MEMO1: variants seen among roughly 807,000 people sequenced by gnomAD.
The protein encoded by MEMO1 is mediator of cell motility 1, also known as protein MEMO1.
MEMO1 carries 6 observed loss-of-function variants against 45.2 expected under a neutral mutation model. The ratio of observed to expected loss-of-function variants is 0.13; its 90% CI spans 0.07 to 0.26. MEMO1 has a LOEUF of 0.26. MEMO1 is among the 10% of genes least tolerant of loss of function. The pLI, the probability that MEMO1 is intolerant of heterozygous loss-of-function variation, is 1.00. For missense variants in MEMO1, 184 were observed against 370.5 expected (o/e 0.50, Z 4.13); for synonymous variants, 78 against 124.3 (o/e 0.63, Z 2.48).
intron 4 of MEMO1, among the ~76,000 whole-genome samples, chr2:31,924,657 G>C (rs908522358): frequency 1.3e-5 from 2 of 152,110 alleles, no homozygotes; most frequent in Admixed American, 1.3e-4. Context: ...TGGAACATAA[G>C]TAATTTTGTA....
chr2:32,001,055 T>TTTTA (rs1491365911), intron 2 of MEMO1, among the ~76,000 whole-genome samples: 1 of 139,232 alleles, frequency 7.2e-6, no homozygotes, highest in African/African-American at 2.8e-5. Context: ...TTTTTTTTTT[T>TTTTA]GAGACAGGAG....
intron 2 of MEMO1, among the ~76,000 whole-genome samples, chr2:31,950,107 G>A (rs898258766): frequency 1.6e-4 from 25 of 152,060 alleles, no homozygotes; most frequent in African/African-American, 4.8e-4. Context: ...ATTGCCGGGC[G>A]CAGTGGCTCA....
chr2:31,924,620 G>A (rs1682818384), intron 4 of MEMO1, among the ~76,000 whole-genome samples: 1 of 152,106 alleles, frequency 6.6e-6, no homozygotes. Context: ...CCTCATGACT[G>A]TTTATTCAGC....
rs537051169 is a variant in MEMO1 at position 31,932,954 on chromosome 2, G to A, written c.144-819C>T. 3.5e-3 allele frequency among the ~76,000 whole-genome samples: 524 copies of A among 151,670 alleles called. 1 individual carries two copies. The highest frequency in any genetic ancestry group is 0.012 in the African/African-American group (506 of 41,312). ...CGAATTCAGTCAATTCTCTTATCACGCACAGAATGACTGTTTCCTGGTCTC... is the reference window on the plus strand; with the variant it reads ...CGAATTCAGTCAATTCTCTTATCACACACAGAATGACTGTTTCCTGGTCTC... On this transcript the variant is annotated intron_variant, in intron 3 of 9. Coordinates refer to ENST00000404530, the MANE Select transcript of MEMO1 (RefSeq NM_001301833.4).
At chr2:31,931,400 C>T (rs1664150288) in intron 4 of MEMO1, among the ~76,000 whole-genome samples, 1 of 152,126 alleles carries the variant, frequency 6.6e-6, no homozygotes, top group African/African-American at 2.4e-5. Flanking sequence ...ATAGCTTGTA[C>T]ATCTGGCAAA....
At chr2:31,991,063 C>T (rs777538665) in intron 2 of MEMO1, among the ~76,000 whole-genome samples, 1 of 151,980 alleles carries the variant, frequency 6.6e-6, no homozygotes, top group Non-Finnish European at 1.5e-5. Flanking sequence ...TTGTTAACTA[C>T]AAAAAGGCCA....
intron 8 of MEMO1, 23 bp downstream of exon 8, chr2:31,883,363 A>C (rs770572202): frequency 2.7e-6 from 4 of 1,508,766 alleles, no homozygotes; most frequent in Non-Finnish European, 3.6e-6. Flanking sequence ...AGAGCATTAA[A>C]ATCCCACACC....
At chr2:31,869,444 T>C (rs1311290383) in intron 9 of MEMO1, among the ~76,000 whole-genome samples, 2 of 152,128 alleles carry the variant, frequency 1.3e-5, no homozygotes, top group Non-Finnish European at 2.9e-5. Flanking sequence ...TCTTGCTTTA[T>C]TACATTATGA....
At chr2:31,939,109 C>CAAA (rs34125983) in intron 3 of MEMO1, among the ~76,000 whole-genome samples, 1 of 144,806 alleles carries the variant, frequency 6.9e-6, no homozygotes, top group Non-Finnish European at 1.5e-5. Context: ...TTTTCTACCT[C>CAAA]AAAAAAAAAA....
At chr2:31,901,969 C>T (rs1201284913) in intron 6 of MEMO1, among the ~76,000 whole-genome samples, 5 of 148,540 alleles carry the variant, frequency 3.4e-5, no homozygotes, top group Admixed American at 2.0e-4. Flanking sequence ...TGTAGATTTA[C>T]TAAAAAAAAA....
intron 4 of MEMO1, among the ~76,000 whole-genome samples, chr2:31,927,376 C>T (rs1000517708): frequency 6.6e-6 from 1 of 152,094 alleles, no homozygotes; most frequent in Non-Finnish European, 1.5e-5. Flanking sequence ...TTATAACTAA[C>T]CTTTAAGAAA....
chr2:31,896,830 A>G (rs1458684859), intron 6 of MEMO1, among the ~76,000 whole-genome samples: 3 of 151,916 alleles, frequency 2.0e-5, no homozygotes, highest in African/African-American at 7.3e-5. Flanking sequence ...CAAAATAAAA[A>G]TTGGGCAAAA....
chr2:31,971,284 G>A (rs987818422), intron 2 of MEMO1, among the ~76,000 whole-genome samples: 29 of 152,036 alleles, frequency 1.9e-4, no homozygotes, highest in African/African-American at 6.0e-4. Flanking sequence ...GTCTTGCTCT[G>A]TTGCCCAAGC....
At chr2:31,954,834 T>TGAA (rs2148378816) in intron 2 of MEMO1, among the ~76,000 whole-genome samples, 1 of 148,584 alleles carries the variant, frequency 6.7e-6, no homozygotes, top group East Asian at 2.0e-4. Flanking sequence ...AACTCTGTTT[T>TGAA]GAAAAAAAAA....
intron 6 of MEMO1, among the ~76,000 whole-genome samples, chr2:31,897,166 A>G (rs1485126364): frequency 6.6e-6 from 1 of 151,992 alleles, no homozygotes; most frequent in African/African-American, 2.4e-5. Flanking sequence ...GTCATCTGCA[A>G]ACAGAGACAA....
At chr2:31,870,039 C>A in intron 8 of MEMO1, 87 bp from the exon 9 acceptor site, 1 of 1,036,588 alleles carries the variant, frequency 9.6e-7, no homozygotes, top group South Asian at 2.7e-5. Flanking sequence ...AAAACTGTTA[C>A]TTAAACATAA....
rs1265315128 is a variant in MEMO1 at position 32,005,946 on chromosome 2, G to C, written c.61+4241C>G. ...GTTTCTTGGAGGTGTTAACACTTGA[G>C]TCTTCAAAAGAGGAGTAGGAATTAT... On this transcript the variant is annotated intron_variant, in intron 2 of 9. Coordinates refer to ENST00000404530, the MANE Select transcript of MEMO1 (RefSeq NM_001301833.4). Among the ~76,000 whole-genome samples, 5 of 152,162 alleles carry C rather than the reference G, an allele frequency of 3.3e-5. No individual in the cohort carries two copies. In the East Asian group the frequency reaches 9.6e-4, roughly 29 times the overall value.
At chr2:31,941,555 T>C (rs1199769267) in intron 3 of MEMO1, among the ~76,000 whole-genome samples, 1 of 152,208 alleles carries the variant, frequency 6.6e-6, no homozygotes, top group Non-Finnish European at 1.5e-5. Flanking sequence ...GCAACTTTGA[T>C]TTACTCAAAA....
Position 31,918,139 on chromosome 2 carries a change from G to A in MEMO1, c.326-102C>T. 3 of 578,404 alleles carry A rather than the reference G, an allele frequency of 5.2e-6. No individual in the cohort carries two copies. In the South Asian group the frequency reaches 1.2e-4, roughly 24 times the overall value. 35.8% of individuals were successfully genotyped at this position (578,404 alleles called of 1,614,324 possible). On this transcript the variant is annotated intron_variant, in intron 5 of 9. Coordinates refer to ENST00000404530, the MANE Select transcript of MEMO1 (RefSeq NM_001301833.4). ...CAAAACTACATGCTTTTTGGCAAGA[G>A]ACAGAAACACCATATAATATTCTCA...
Sources: gnomAD v4.1 joint callset for allele counts (sites outside exome capture counted in the v4.1 genomes callset) on GRCh38, gnomAD v4.1.1 for gene constraint, MANE v1.5 for transcripts, NCBI Gene and HGNC (gene_info 2026-07-23, HGNC 2026-07-21) for gene names.